PRELID3A: variants seen among roughly 807,000 people sequenced by gnomAD.
PRELID3A encodes PRELI domain containing protein 3A.
PRELID3A carries 27 observed loss-of-function variants against 23.0 expected under a neutral mutation model. The observed-to-expected ratio is 1.17, with a 90% CI of 0.87 to 1.62. The LOEUF (loss-of-function observed/expected upper bound fraction) is 1.62. PRELID3A is among the 40% of genes most tolerant of loss of function. The pLI is 0.00. For synonymous variants in PRELID3A, 87 were observed against 86.4 expected, an observed-to-expected ratio of 1.01 and a Z score of -0.04; for missense variants, 231 against 231.4, an observed-to-expected ratio of 1.00 and a Z score of 0.01.
chr18:12,412,033 C>G (rs1909934049), intron 1 of PRELID3A, among the ~76,000 whole-genome samples: 1 of 151,828 alleles, frequency 6.6e-6, no homozygotes, highest in Non-Finnish European at 1.5e-5. Flanking sequence ...GCCTCAGCCT[C>G]CAGAGTAGCT....
Position 12,408,651 on chromosome 18 carries a change from C to T in PRELID3A, c.32+644C>T, listed in dbSNP as rs75145745. ...GGTCATTATCTTAAGTGAAGCCAGG[C>T]CCAGAAAGACAAGTATCGCATGTTC... is the stretch of plus-strand genomic sequence containing the variant. On this transcript the variant is annotated intron_variant, in intron 1 of 6. Coordinates refer to ENST00000440960, the MANE Select transcript of PRELID3A (RefSeq NM_001142405.2). Among the ~76,000 whole-genome samples, 1,144 of 152,062 alleles carry T rather than the reference C, an allele frequency of 7.5e-3. 24 individuals are homozygous for T. Among genetic ancestry groups the T allele is most frequent in the African/African-American group, 0.027 (1,113 of 41,454 alleles).
intron 5 of PRELID3A, among the ~76,000 whole-genome samples, chr18:12,427,690 T>C (rs1305448151): frequency 6.6e-6 from 1 of 151,146 alleles, no homozygotes; most frequent in Non-Finnish European, 1.5e-5. Context: ...AGACTCTGTC[T>C]TAAAAAAAAA....
chr18:12,429,511 G>A, intron 6 of PRELID3A, 75 bp downstream of exon 6: 11 of 950,544 alleles, frequency 1.2e-5, no homozygotes, highest in Non-Finnish European at 1.8e-5. Flanking sequence ...CACATGGTGA[G>A]GGGACGCCAG....
chr18:12,426,361 T>C (rs925426592), intron 3 of PRELID3A, among the ~76,000 whole-genome samples: 1 of 150,712 alleles, frequency 6.6e-6, no homozygotes, highest in South Asian at 2.1e-4. Flanking sequence ...GAGACCATCC[T>C]GGCTAACACG....
intron 1 of PRELID3A, among the ~76,000 whole-genome samples, chr18:12,411,484 AAG>A (rs1491209096): frequency 4.2e-4 from 63 of 151,388 alleles, no homozygotes; most frequent in Non-Finnish European, 8.8e-4. Context: ...AAAAAAAAAA[AAG>A]GACAGGGTTT....
intron 1 of PRELID3A, 180 bp from the exon 2 acceptor site, chr18:12,420,145 G>A: frequency 7.0e-7 from 1 of 1,428,162 alleles, no homozygotes; most frequent in Non-Finnish European, 9.1e-7. Context: ...GCCGAGGCGT[G>A]CAGGTGCTGA....
intron 1 of PRELID3A, among the ~76,000 whole-genome samples, chr18:12,412,560 G>C (rs1221945877): frequency 2.0e-5 from 3 of 152,208 alleles, no homozygotes; most frequent in Non-Finnish European, 4.4e-5. Context: ...GATATAGATA[G>C]ATATTAATAG....
chr18:12,413,221 G>T (rs1461260761), intron 1 of PRELID3A, among the ~76,000 whole-genome samples: 1 of 152,188 alleles, frequency 6.6e-6, no homozygotes, highest in Non-Finnish European at 1.5e-5. Flanking sequence ...GGGGTAATCG[G>T]TTGAGCTCAG....
At position 12,429,395 on chromosome 18, in the gene PRELID3A, G is replaced by T; in HGVS notation, c.511G>T (p.Val171Leu). The stretch of plus-strand genomic sequence containing the variant: ...GATAATTGAACACTCTGAAAGCGCT[G>T]TGAGCTAAGGAGGCCTGTGCCTGTG... ...EWIIEHSESA[V>L]S The change falls in exon 6 of 7, where the codon GTG (valine) becomes TTG (leucine). Residue 171 changes from valine to leucine, a missense_variant. Coordinates refer to ENST00000440960, the MANE Select transcript of PRELID3A (RefSeq NM_001142405.2). The T allele has an allele frequency of 6.2e-7, 1 of 1,613,776 alleles. No individual in the cohort carries two copies.
At chr18:12,428,413 C>T (rs115514109) in intron 5 of PRELID3A, among the ~76,000 whole-genome samples, 86 of 152,304 alleles carry the variant, frequency 5.6e-4, no homozygotes, top group African/African-American at 2.0e-3. Flanking sequence ...TCCCTCCTAC[C>T]CCTCACTCTT....
At chr18:12,428,192 C>T (rs150580281) in intron 5 of PRELID3A, among the ~76,000 whole-genome samples, 26 of 152,304 alleles carry the variant, frequency 1.7e-4, no homozygotes, top group African/African-American at 6.3e-4. Flanking sequence ...GGAGGCCATC[C>T]ATGGTACTCC....
At chr18:12,417,392 T>C (rs931360437) in intron 1 of PRELID3A, among the ~76,000 whole-genome samples, 1 of 152,126 alleles carries the variant, frequency 6.6e-6, no homozygotes, top group African/African-American at 2.4e-5. Flanking sequence ...CAGGCTGGTG[T>C]TGAACTCCTG....
At chr18:12,423,509 T>C (rs1244638440) in intron 3 of PRELID3A, among the ~76,000 whole-genome samples, 1 of 152,226 alleles carries the variant, frequency 6.6e-6, no homozygotes, top group Non-Finnish European at 1.5e-5. Flanking sequence ...GCTCTCTGGT[T>C]AGGGCGCCAG....
At chr18:12,421,373 C>T (rs2030176376) in intron 2 of PRELID3A, 167 bp from the exon 3 acceptor site, 2 of 596,070 alleles carry the variant, frequency 3.4e-6, no homozygotes, top group Admixed American at 6.0e-5. Flanking sequence ...GGCTCACCTG[C>T]TGGAGCGGAA....
intron 4 of PRELID3A, 35 bp downstream of exon 4, chr18:12,427,146 G>C: frequency 6.2e-7 from 1 of 1,601,444 alleles, no homozygotes; most frequent in Non-Finnish European, 8.6e-7. Context: ...CACATTGAAT[G>C]CCACGGGTGA....
rs1486971171 is a variant in PRELID3A at position 12,420,370 on chromosome 18, G to A, written c.78G>A (p.Pro26=). 6.2e-7 allele frequency: 1 copy of A among 1,611,246 alleles called. No individual in the cohort carries two copies. The highest frequency in any genetic ancestry group is 8.5e-7 in the Non-Finnish European group (1 of 1,179,272). The change falls in exon 2 of 7, where the codon CCG becomes CCA. Residue 26 remains proline, a synonymous_variant. Coordinates refer to ENST00000440960, the MANE Select transcript of PRELID3A (RefSeq NM_001142405.2). ...TVIQAAMRKY[P]NPMNPSVLGV... ...TCCAGGCGGCCATGCGCAAGTACCCGAACCCGATGAACCCGAGCGTGCTGG... is the reference window on the plus strand; with the variant it reads ...TCCAGGCGGCCATGCGCAAGTACCCAAACCCGATGAACCCGAGCGTGCTGG...
At chr18:12,421,764 T>C (rs2030189826) in intron 3 of PRELID3A, 135 bp downstream of exon 3, 2 of 622,412 alleles carry the variant, frequency 3.2e-6, no homozygotes, top group South Asian at 4.1e-5. Flanking sequence ...TGAATTCATT[T>C]AGCAGTTTAT....
chr18:12,415,524 T>A (rs2029919901), intron 1 of PRELID3A, among the ~76,000 whole-genome samples: 5 of 152,230 alleles, frequency 3.3e-5, no homozygotes, highest in African/African-American at 1.2e-4. Context: ...CCCAAAGTGC[T>A]GGGATTACAG....
chr18:12,418,253 T>G (rs569203170), intron 1 of PRELID3A, among the ~76,000 whole-genome samples: 1 of 152,322 alleles, frequency 6.6e-6, no homozygotes, highest in African/African-American at 2.4e-5. Flanking sequence ...ACTGTTATAA[T>G]TTATCGTGTA....
Sources: gnomAD v4.1 joint callset for allele counts (sites outside exome capture counted in the v4.1 genomes callset) on GRCh38, gnomAD v4.1.1 for gene constraint, MANE v1.5 for transcripts, NCBI Gene and HGNC (gene_info 2026-07-23, HGNC 2026-07-21) for gene names.